FRMD6: variants seen among roughly 807,000 people sequenced by gnomAD.
The protein encoded by FRMD6 is FERM domain-containing protein 6.
In FRMD6, 37 loss-of-function variants were observed where a neutral mutation model predicts 73.2. The observed-to-expected ratio is 0.51, with a 90% CI of 0.39 to 0.66. FRMD6 has a LOEUF of 0.66. Ranked by LOEUF, FRMD6 falls within the 30% of genes least tolerant of loss-of-function variation. The pLI, the probability that FRMD6 is intolerant of heterozygous loss-of-function variation, is 0.00. For missense variants in FRMD6, 714 were observed against 780.5 expected, an observed-to-expected ratio of 0.91 and a Z score of 1.02; for synonymous variants, 273 against 282.2, an observed-to-expected ratio of 0.97 and a Z score of 0.33.
chr14:51,683,154 T>G (rs1894919681), intron 1 of FRMD6, among the ~76,000 whole-genome samples: 1 of 152,258 alleles, frequency 6.6e-6, no homozygotes, highest in South Asian at 2.1e-4. Flanking sequence ...AGTAGACTTC[T>G]TAAAGTTTAG....
At chr14:51,697,604 A>G (rs1896033502) in intron 2 of FRMD6, among the ~76,000 whole-genome samples, 1 of 152,138 alleles carries the variant, frequency 6.6e-6, no homozygotes, top group African/African-American at 2.4e-5. Flanking sequence ...GATGATGTAT[A>G]CTTGAAAATG....
chr14:51,661,352 C>T (rs886234474), intron 1 of FRMD6, among the ~76,000 whole-genome samples: 5 of 152,040 alleles, frequency 3.3e-5, no homozygotes, highest in African/African-American at 7.3e-5. Flanking sequence ...TAATTATGCA[C>T]GTTTTTCCAA....
intron 1 of FRMD6, among the ~76,000 whole-genome samples, chr14:51,512,910 C>T (rs1184625408): frequency 6.6e-6 from 1 of 152,204 alleles, no homozygotes; most frequent in Admixed American, 6.5e-5. Flanking sequence ...TGAGGCACCT[C>T]AAGGGCCTCC....
At chr14:51,404,860 T>C in the FRMD6 span, among the ~76,000 whole-genome samples, 1 of 152,180 alleles carries the variant, frequency 6.6e-6, no homozygotes, top group Non-Finnish European at 1.5e-5. Flanking sequence ...TTGTATAGAT[T>C]ATTTAATCAC....
intron 1 of FRMD6, among the ~76,000 whole-genome samples, chr14:51,546,321 G>T (rs1189911983): frequency 2.0e-5 from 3 of 151,506 alleles, no homozygotes; most frequent in African/African-American, 7.3e-5. Flanking sequence ...CCACGTGGCA[G>T]CCTCAGCAGC....
At chr14:51,399,471 G>A in the FRMD6 span, among the ~76,000 whole-genome samples, 1 of 151,996 alleles carries the variant, frequency 6.6e-6, no homozygotes, top group African/African-American at 2.4e-5. Context: ...ATTAAATTTG[G>A]GATATATCAT....
chr14:51,472,560 C>T, the FRMD6 span, among the ~76,000 whole-genome samples: 1 of 152,188 alleles, frequency 6.6e-6, no homozygotes, highest in Non-Finnish European at 1.5e-5. Flanking sequence ...ACCTCAGCCT[C>T]CCAAAGTGCT....
the FRMD6 span, among the ~76,000 whole-genome samples, chr14:51,429,523 G>T: frequency 2.6e-5 from 4 of 152,084 alleles, no homozygotes; most frequent in Non-Finnish European, 5.9e-5. Flanking sequence ...ACTTTGTCGA[G>T]CACAGGTATG....
At chr14:51,681,111 C>T (rs1894765583) in intron 1 of FRMD6, among the ~76,000 whole-genome samples, 1 of 152,212 alleles carries the variant, frequency 6.6e-6, no homozygotes, top group Admixed American at 6.5e-5. Context: ...GTACTACCCA[C>T]ATAATGTTTT....
intron 1 of FRMD6, among the ~76,000 whole-genome samples, chr14:51,685,678 TC>T (rs1895101856): frequency 6.6e-6 from 1 of 152,216 alleles, no homozygotes; most frequent in South Asian, 2.1e-4. Flanking sequence ...CATTATATCT[TC>T]CTTTGAGGTT....
the FRMD6 span, among the ~76,000 whole-genome samples, chr14:51,419,998 C>A: frequency 7.5e-6 from 1 of 133,290 alleles, no homozygotes; most frequent in Non-Finnish European, 1.8e-5. Context: ...ACTTCCTGCC[C>A]TCGTTAGGTG....
At chr14:51,509,592 G>A (rs1210431320) in intron 1 of FRMD6, among the ~76,000 whole-genome samples, 2 of 152,058 alleles carry the variant, frequency 1.3e-5, no homozygotes, top group East Asian at 3.9e-4. Context: ...ACAAAGGTTT[G>A]CCACCAGTAA....
At chr14:51,703,608 G>T (rs751376536) in intron 5 of FRMD6, among the ~76,000 whole-genome samples, 1 of 151,934 alleles carries the variant, frequency 6.6e-6, no homozygotes, top group Non-Finnish European at 1.5e-5. Flanking sequence ...AACCCCCTGG[G>T]GCTAAGTTTT....
intron 2 of FRMD6, among the ~76,000 whole-genome samples, chr14:51,596,021 T>C (rs1889693356): frequency 6.6e-6 from 1 of 152,214 alleles, no homozygotes; most frequent in Admixed American, 6.5e-5. Flanking sequence ...CTGTTTTCTA[T>C]AGTTATGAAA....
At chr14:51,684,005 G>A (rs1428940116) in intron 1 of FRMD6, among the ~76,000 whole-genome samples, 1 of 152,096 alleles carries the variant, frequency 6.6e-6, no homozygotes, top group Non-Finnish European at 1.5e-5. Flanking sequence ...GGCTCCAGAT[G>A]GTTGATAGAT....
chr14:51,625,450 C>T (rs1044051687), intron 2 of FRMD6, among the ~76,000 whole-genome samples: 1 of 110,450 alleles, frequency 9.1e-6, no homozygotes, highest in African/African-American at 3.4e-5. Flanking sequence ...TGGGATTCCC[C>T]TTATCTTTTT....
At chr14:51,685,277 C>G (rs1895074816) in intron 1 of FRMD6, among the ~76,000 whole-genome samples, 1 of 152,086 alleles carries the variant, frequency 6.6e-6, no homozygotes. Flanking sequence ...TAGATGTTTC[C>G]TTAAATATTG....
intron 1 of FRMD6, 50 bp from the exon 2 acceptor site, chr14:51,689,641 G>T (rs1317680837): frequency 5.1e-6 from 3 of 583,464 alleles, no homozygotes; most frequent in East Asian, 2.9e-5. Flanking sequence ...CGCGCTCTTC[G>T]CAGTCTTCAC....
At chr14:51,419,365 G>T in the FRMD6 span, among the ~76,000 whole-genome samples, 1 of 152,146 alleles carries the variant, frequency 6.6e-6, no homozygotes. Context: ...GGCCAGGATG[G>T]TCTCAATTTC....
Sources: gnomAD v4.1 joint callset for allele counts (sites outside exome capture counted in the v4.1 genomes callset) on GRCh38, gnomAD v4.1.1 for gene constraint, MANE v1.5 for transcripts, NCBI Gene and HGNC (gene_info 2026-07-23, HGNC 2026-07-21) for gene names.